The following SKAP1 variants were observed in gnomAD, a reference collection of about 807,000 sequenced individuals.
SKAP1 encodes src kinase-associated phosphoprotein 1.
In SKAP1, 44 loss-of-function variants were observed where a neutral mutation model predicts 58.5. The observed-to-expected ratio is 0.75, with a 90% CI of 0.59 to 0.97. SKAP1 has a LOEUF of 0.97. SKAP1 is among the 50% of genes least tolerant of loss of function. The pLI is 0.00. For missense variants in SKAP1, 390 were observed against 435.2 expected (o/e 0.90, Z 0.92); for synonymous variants, 127 against 149.7 (o/e 0.85, Z 1.11).
At chr17:48,149,488 A>G (rs1031731115) in intron 11 of SKAP1, among the ~76,000 whole-genome samples, 1 of 152,230 alleles carries the variant, frequency 6.6e-6, no homozygotes, top group Non-Finnish European at 1.5e-5. Flanking sequence ...CGGCGAGGGA[A>G]AAGCAACGTC....
intron 2 of SKAP1, among the ~76,000 whole-genome samples, chr17:48,367,536 G>GTATATATATATGGATATATATCCA (rs2067020466): frequency 7.4e-6 from 1 of 135,602 alleles, no homozygotes; most frequent in Non-Finnish European, 1.6e-5. Flanking sequence ...GTATGTGTGT[G>GTATATATATATGGATATATATCCA]TATATATATA....
rs537407235 is a variant in SKAP1 at position 48,165,589 on chromosome 17, G to A, written c.878-3020C>T. Among the ~76,000 whole-genome samples, 128 of 151,852 alleles carry A rather than the reference G, an allele frequency of 8.4e-4. 5 individuals are homozygous for A. The South Asian group carries it at 0.025, about 30-fold the overall frequency. On this transcript the variant is annotated intron_variant, in intron 10 of 12. Transcript: ENST00000336915. ...CTAATTTTGTATTTTTAGTAGAGAC[G>A]GGGTTTCTCCATGTTGGTCATGCTG...
chr17:48,363,360 C>A (rs953823897), intron 3 of SKAP1, among the ~76,000 whole-genome samples: 1 of 152,266 alleles, frequency 6.6e-6, no homozygotes, highest in Non-Finnish European at 1.5e-5. Flanking sequence ...GCCAGACAGG[C>A]AGGCTGTGTG....
intron 4 of SKAP1, among the ~76,000 whole-genome samples, chr17:48,298,934 A>T (rs2066020396): frequency 6.6e-6 from 1 of 152,190 alleles, no homozygotes; most frequent in South Asian, 2.1e-4. Context: ...AAAAATGTTT[A>T]ATATTCAGTG....
chr17:48,281,276 G>A (rs1162563472), intron 4 of SKAP1, among the ~76,000 whole-genome samples: 2 of 151,958 alleles, frequency 1.3e-5, no homozygotes, highest in African/African-American at 2.4e-5. Context: ...CACCCACCTC[G>A]GCCTCTCAAA....
At chr17:48,271,886 A>G (rs1375475333) in intron 4 of SKAP1, among the ~76,000 whole-genome samples, 2 of 152,020 alleles carry the variant, frequency 1.3e-5, no homozygotes, top group African/African-American at 2.4e-5. Context: ...CTTTTTATCT[A>G]TTGCTACTTT....
At chr17:48,340,018 T>C (rs987765018) in intron 4 of SKAP1, among the ~76,000 whole-genome samples, 1 of 151,916 alleles carries the variant, frequency 6.6e-6, no homozygotes, top group Admixed American at 6.6e-5. Flanking sequence ...CTGTCTTTAC[T>C]GAAAATACAA....
intron 4 of SKAP1, among the ~76,000 whole-genome samples, chr17:48,200,255 A>C (rs28551638): frequency 0.83 from 125,918 of 151,492 alleles, 52,391 homozygotes; most frequent in East Asian, 0.95. Context: ...CGAGATCATG[A>C]CACTGCACTC....
chr17:48,183,164 G>C (rs1047009974), intron 7 of SKAP1, among the ~76,000 whole-genome samples: 1 of 152,142 alleles, frequency 6.6e-6, no homozygotes, highest in African/African-American at 2.4e-5. Flanking sequence ...AAAGGAGTGG[G>C]GGATTCTTTC....
rs551711297 is a variant in SKAP1 at position 48,413,866 on chromosome 17, A to G, written c.46+16209T>C. On this transcript the variant is annotated intron_variant, in intron 1 of 12. Coordinates refer to ENST00000336915, the MANE Select transcript of SKAP1 (RefSeq NM_003726.4). ...AGAACATCCCCCAGATGCTTCTAAC[A>G]TCGCAGCATTCACTCTATGTAGGAC... Among the ~76,000 whole-genome samples, 71 of 152,242 alleles carry G rather than the reference A, an allele frequency of 4.7e-4. 1 individual carries two copies. Among genetic ancestry groups the G allele is most frequent in the Admixed American group, 1.3e-3 (20 of 15,290 alleles).
At chr17:48,255,991 C>T (rs1013801122) in intron 4 of SKAP1, among the ~76,000 whole-genome samples, 4 of 152,108 alleles carry the variant, frequency 2.6e-5, no homozygotes, top group African/African-American at 9.7e-5. Flanking sequence ...TCTCCTTCTT[C>T]AGTTTAGCAG....
At chr17:48,430,500 A>C (rs2067906422), upstream of SKAP1, among the ~76,000 whole-genome samples, 1 of 152,148 alleles carries the variant, frequency 6.6e-6, no homozygotes, top group Non-Finnish European at 1.5e-5. Flanking sequence ...AGCACCGAAC[A>C]GTTGACCTCA....
At chr17:48,180,276 A>G in intron 8 of SKAP1, 28 bp from the exon 9 acceptor site, 1 of 1,485,150 alleles carries the variant, frequency 6.7e-7, no homozygotes, top group Non-Finnish European at 9.0e-7. Flanking sequence ...AGAATGAATC[A>G]AGAAACAGAG....
intron 1 of SKAP1, among the ~76,000 whole-genome samples, chr17:48,425,125 G>T (rs1296785053): frequency 6.6e-6 from 1 of 152,038 alleles, no homozygotes; most frequent in Non-Finnish European, 1.5e-5. Context: ...TGTCATGGTG[G>T]CGTGCGCCAG....
At chr17:48,387,091 A>G (rs1267193592) in intron 2 of SKAP1, among the ~76,000 whole-genome samples, 1 of 152,144 alleles carries the variant, frequency 6.6e-6, no homozygotes, top group African/African-American at 2.4e-5. Context: ...CACACTGCAC[A>G]CTCAAAAATG....
chr17:48,424,142 C>A (rs991541137), intron 1 of SKAP1, among the ~76,000 whole-genome samples: 1 of 151,994 alleles, frequency 6.6e-6, no homozygotes, highest in Non-Finnish European at 1.5e-5. Context: ...CTGCTGAGGG[C>A]CTGCTTTTTG....
intron 4 of SKAP1, among the ~76,000 whole-genome samples, chr17:48,255,480 G>A (rs2065413232): frequency 1.3e-5 from 2 of 150,752 alleles, no homozygotes; most frequent in Admixed American, 1.3e-4. Context: ...TAAAGAATAT[G>A]GTATAACAGG....
At chr17:48,342,694 G>T (rs1046349469) in intron 4 of SKAP1, among the ~76,000 whole-genome samples, 3 of 152,114 alleles carry the variant, frequency 2.0e-5, no homozygotes, top group African/African-American at 7.2e-5. Flanking sequence ...GACAAAATTC[G>T]AGAAGCCTAA....
intron 1 of SKAP1, among the ~76,000 whole-genome samples, chr17:48,416,614 G>A (rs1261867221): frequency 6.6e-6 from 1 of 152,146 alleles, no homozygotes; most frequent in Non-Finnish European, 1.5e-5. Flanking sequence ...CTCCACCTTG[G>A]AAACAGTAGA....
Sources: gnomAD v4.1 joint callset for allele counts (sites outside exome capture counted in the v4.1 genomes callset) on GRCh38, gnomAD v4.1.1 for gene constraint, MANE v1.5 for transcripts, NCBI Gene and HGNC (gene_info 2026-07-23, HGNC 2026-07-21) for gene names.